Variants in VWA8 observed in about 807,000 individuals in gnomAD.
VWA8 encodes von Willebrand factor A domain-containing protein 8.
Under a neutral mutation model 241.5 loss-of-function variants are expected in VWA8, and 221 were observed. The ratio of observed to expected loss-of-function variants is 0.91; its 90% CI spans 0.82 to 1.02. The LOEUF is 1.02. Among genes scored for constraint, VWA8 ranks in the 50% least tolerant of loss-of-function variants. The pLI, the probability that VWA8 is intolerant of heterozygous loss-of-function variation, is 0.00. For synonymous variants in VWA8, 852 were observed against 827.1 expected, an observed-to-expected ratio of 1.03 and a Z score of -0.52; for missense variants, 2,322 against 2,328.7, an observed-to-expected ratio of 1.00 and a Z score of 0.06.
Position 41,653,483 on chromosome 13 carries a change from C to T in VWA8, c.4611+17463G>A, listed in dbSNP as rs139372941. On this transcript the variant is annotated intron_variant, in intron 37 of 44. Transcript: ENST00000379310. ...CAGTATTGTTAAAATGGCCACACTG[C>T]CCAAAGCAATTTATAGATTCAATAC... Among the ~76,000 whole-genome samples, 209 of 152,288 alleles carry T rather than the reference C, an allele frequency of 1.4e-3. 1 individual carries two copies. The East Asian group carries it at 0.034, about 24-fold the overall frequency.
At chr13:41,667,413 C>T (rs2044993872) in intron 37 of VWA8, among the ~76,000 whole-genome samples, 1 of 152,048 alleles carries the variant, frequency 6.6e-6, no homozygotes, top group Admixed American at 6.6e-5. Flanking sequence ...TATTGTGTAC[C>T]AGACACTGTC....
chr13:41,732,332 C>T (rs1230196956), intron 21 of VWA8, among the ~76,000 whole-genome samples, 177 bp from the exon 22 acceptor site: 1 of 151,938 alleles, frequency 6.6e-6, no homozygotes, highest in Admixed American at 6.6e-5. Flanking sequence ...ACTTTGTAGA[C>T]TTAATACAGT....
At chr13:41,798,888 T>A (rs905270421) in intron 17 of VWA8, among the ~76,000 whole-genome samples, 1 of 152,214 alleles carries the variant, frequency 6.6e-6, no homozygotes, top group Non-Finnish European at 1.5e-5. Context: ...CATTCTCTTT[T>A]CAATAGTCTA....
At chr13:41,655,872 G>A (rs938512807) in intron 37 of VWA8, among the ~76,000 whole-genome samples, 7 of 152,172 alleles carry the variant, frequency 4.6e-5, no homozygotes, top group African/African-American at 1.4e-4. Context: ...GTGAGAAGGA[G>A]CTATATTCAG....
At chr13:41,944,781 A>T (rs995852342) in intron 2 of VWA8, among the ~76,000 whole-genome samples, 1 of 152,134 alleles carries the variant, frequency 6.6e-6, no homozygotes, top group Admixed American at 6.5e-5. Flanking sequence ...TATTTGATGT[A>T]CTCAGAGCTA....
At chr13:41,796,250 A>G (rs779174627) in intron 17 of VWA8, among the ~76,000 whole-genome samples, 2 of 152,040 alleles carry the variant, frequency 1.3e-5, no homozygotes, top group African/African-American at 2.4e-5. Flanking sequence ...CCATTTCTCT[A>G]TTCTTTGGAA....
At chr13:41,777,933 A>T in intron 20 of VWA8, 52 bp downstream of exon 20, 1 of 1,456,472 alleles carries the variant, frequency 6.9e-7, no homozygotes, top group Non-Finnish European at 9.4e-7. Context: ...TACTGCTTTT[A>T]AATTGTTACT....
chr13:41,744,909 C>A (rs1182984449), intron 21 of VWA8, among the ~76,000 whole-genome samples: 2 of 152,092 alleles, frequency 1.3e-5, no homozygotes, highest in Non-Finnish European at 2.9e-5. Context: ...GCAATCTCGG[C>A]ATACTGCAAG....
At chr13:41,690,480 T>C (rs1212852533) in intron 32 of VWA8, among the ~76,000 whole-genome samples, 3 of 152,092 alleles carry the variant, frequency 2.0e-5, no homozygotes, top group Non-Finnish European at 4.4e-5. Flanking sequence ...CAGTAATGAA[T>C]GTGAGGCAAA....
chr13:41,663,129 G>A (rs1338474713), intron 37 of VWA8, among the ~76,000 whole-genome samples: 1 of 152,100 alleles, frequency 6.6e-6, no homozygotes, highest in Admixed American at 6.6e-5. Context: ...CAGTGGGAGA[G>A]ACAAGGTGAG....
intron 21 of VWA8, among the ~76,000 whole-genome samples, chr13:41,754,645 A>G (rs1461525656): frequency 1.3e-5 from 2 of 152,126 alleles, no homozygotes; most frequent in African/African-American, 4.8e-5. Flanking sequence ...GTACAATTAA[A>G]TTATTTTTGG....
chr13:41,844,591 C>G (rs1872201277), intron 12 of VWA8, among the ~76,000 whole-genome samples: 1 of 151,964 alleles, frequency 6.6e-6, no homozygotes, highest in Non-Finnish European at 1.5e-5. Flanking sequence ...CCTAGAAAAC[C>G]CCACAGACTC....
At chr13:41,584,793 T>C (rs1420574198) in intron 42 of VWA8, among the ~76,000 whole-genome samples, 1 of 152,212 alleles carries the variant, frequency 6.6e-6, no homozygotes. Context: ...GTTGTGCTGA[T>C]AAAGACTGAG....
Position 41,719,651 on chromosome 13 carries a change from G to T in VWA8, c.3056C>A (p.Thr1019Asn). 2 of 1,613,220 alleles carry T rather than the reference G, an allele frequency of 1.2e-6. No homozygotes were observed. The highest frequency in any genetic ancestry group is 1.7e-6 in the Non-Finnish European group (2 of 1,179,466). The change falls in exon 26 of 45, where the codon ACT (threonine) becomes AAT (asparagine). Residue 1019 changes from threonine (T) to asparagine (N), a missense_variant. Coordinates refer to ENST00000379310, the MANE Select transcript of VWA8 (RefSeq NM_015058.2). Reference protein sequence around the residue: ...NNDMREILINTLHKYGIPIGA... With the variant: ...NNDMREILINNLHKYGIPIGA... ...GATAGGTATCCCGTATTTGTGTAAAGTGTTAATCAATATCTCCCTCATGTC... is the reference window on the plus strand; with the variant it reads ...GATAGGTATCCCGTATTTGTGTAAATTGTTAATCAATATCTCCCTCATGTC...
intron 9 of VWA8, among the ~76,000 whole-genome samples, chr13:41,879,607 T>C (rs578162869): frequency 1.2e-3 from 186 of 152,260 alleles, no homozygotes; most frequent in African/African-American, 3.7e-3. Flanking sequence ...CTTATTATTA[T>C]TATTGACATA....
intron 37 of VWA8, among the ~76,000 whole-genome samples, chr13:41,654,873 A>G (rs1467877606): frequency 6.6e-6 from 1 of 152,224 alleles, no homozygotes; most frequent in East Asian, 1.9e-4. Flanking sequence ...AAGATGAGGA[A>G]CTGTTCAGAT....
intron 12 of VWA8, among the ~76,000 whole-genome samples, chr13:41,834,183 T>C (rs561075154): frequency 6.6e-6 from 1 of 152,320 alleles, no homozygotes; most frequent in Non-Finnish European, 1.5e-5. Context: ...AACAATAAAA[T>C]AGTGTAACAG....
chr13:41,821,921 G>A (rs1593794589), intron 14 of VWA8, among the ~76,000 whole-genome samples: 1 of 151,846 alleles, frequency 6.6e-6, no homozygotes, highest in South Asian at 2.1e-4. Context: ...AGCACACACT[G>A]TGTGATTCCG....
intron 37 of VWA8, among the ~76,000 whole-genome samples, chr13:41,633,969 T>C (rs1229614359): frequency 6.6e-6 from 1 of 152,190 alleles, no homozygotes; most frequent in East Asian, 1.9e-4. Context: ...TCTTTCTCCC[T>C]ATACCCCTCC....
Sources: allele counts gnomAD v4.1 joint callset (sites outside exome capture counted in the v4.1 genomes callset), GRCh38; gene constraint gnomAD v4.1.1; transcripts MANE v1.5; gene names NCBI Gene and HGNC (gene_info 2026-07-23, HGNC 2026-07-21).